CD22: variants seen among roughly 807,000 people sequenced by gnomAD.
The protein encoded by CD22 is CD22 molecule.
In CD22, 51 loss-of-function variants were observed where a neutral mutation model predicts 94.7. The ratio of observed to expected loss-of-function variants is 0.54; its 90% CI spans 0.43 to 0.68. The LOEUF is 0.68. Among genes scored for constraint, CD22 ranks in the 30% least tolerant of loss-of-function variants. CD22 has a pLI of 0.00. For synonymous variants in CD22, 424 were observed against 422.5 expected (o/e 1.00, Z -0.04); for missense variants, 931 against 1,060.4 (o/e 0.88, Z 1.69).
chr19:35,346,244 G>A lies in CD22; in HGVS notation c.2412+9G>A, dbSNP rs893987732. 1 of 1,600,082 alleles carries A rather than the reference G, an allele frequency of 6.2e-7. No homozygotes were observed. Among genetic ancestry groups the A allele is most frequent in the African/African-American group, 1.3e-5 (1 of 74,798 alleles). ...TGCACAAGCGCCAAGTGGTAAGGAG[G>A]GTCTCCCCAGGTCTCCCCAGAGGGG... On this transcript the variant is annotated intron_variant, in intron 13 of 13. Coordinates refer to ENST00000085219, the MANE Select transcript of CD22 (RefSeq NM_001771.4).
At position 35,336,125 on chromosome 19, in the gene CD22, T is replaced by C. The variant is rs755108910; in HGVS notation, c.502T>C (p.Tyr168His). The C allele has an allele frequency of 9.3e-6, 15 of 1,614,000 alleles. No individual in the cohort carries two copies. Among genetic ancestry groups the C allele is most frequent in the Non-Finnish European group, 1.3e-5 (15 of 1,180,008 alleles). Residue 168 changes from tyrosine to histidine, a missense_variant, in exon 4 of 14, where the codon TAT (tyrosine) becomes CAT (histidine). By Grantham distance (83) the Tyr-to-His change is moderately conservative. Transcript: ENST00000085219. ...GACCTGCTTGCTGAATTTCTCCTGC[T>C]ATGGGTATCCGATCCAATTGCAGTG... ...TLTCLLNFSC[Y>H]GYPIQLQWLL...
chr19:35,341,419 A>C lies in CD22; in HGVS notation c.1584A>C (p.Gln528His). 3 of 1,613,884 alleles carry C rather than the reference A, an allele frequency of 1.9e-6. No individual in the cohort carries two copies. The highest frequency in any genetic ancestry group is 2.5e-6 in the Non-Finnish European group (3 of 1,179,980). Residue 528 changes from glutamine to histidine, a missense_variant, in exon 8 of 14, where the codon CAA (glutamine) becomes CAC (histidine). By Grantham distance (24) the Gln-to-His change is conservative (BLOSUM62 0). Transcript: ENST00000085219. The surrounding 1 kb of genome is among the most constrained non-coding windows in gnomAD (Gnocchi z 4.0). ...ACTCTGGAAACTCGGTCAGCCTCCA[A>C]TGTGACTTCTCAAGCAGCCACCCCA... ...EIHSGNSVSL[Q>H]CDFSSSHPKE...
rs745645352 is a variant in CD22, at chr19:35,341,366, C to T, written c.1531C>T (p.Arg511Trp). Reference protein sequence around the residue: ...VQYAPRDVRVRKIKPLSEIHS... With the variant: ...VQYAPRDVRVWKIKPLSEIHS... ...AGATGCCCCCCGAGACGTGAGGGTC[C>T]GGAAAATCAAGCCCCTTTCCGAGAT... is the stretch of plus-strand genomic sequence containing the variant. The change falls in exon 8 of 14, where the codon CGG becomes TGG. Residue 511 changes from arginine (R) to tryptophan (W), a missense_variant. By Grantham distance (101) the Arg-to-Trp change is moderately radical (BLOSUM62 -3). Transcript: ENST00000085219. This position sits in a 1 kb window ranked among gnomAD's most constrained non-coding sequence, Gnocchi z 4.0. 33 of 1,613,600 alleles carry T rather than the reference C, an allele frequency of 2.0e-5. No homozygotes were observed. The highest frequency in any genetic ancestry group is 1.6e-4 in the Middle Eastern group (1 of 6,084).
Position 35,336,265 on chromosome 19 carries a change from G to C in CD22, c.642G>C (p.Gly214=). The change falls in exon 4 of 14, where the codon GGG becomes GGC. Residue 214 remains glycine (G), a synonymous_variant. Coordinates refer to ENST00000085219, the MANE Select transcript of CD22 (RefSeq NM_001771.4). ...LKFSPQWSHH[G]KIVTCQLQDA... ...TCTCCCCACAGTGGAGTCACCATGG[G>C]AAGATTGTGACCTGCCAGCTTCAGG... 1 of 1,614,206 alleles carries C rather than the reference G, an allele frequency of 6.2e-7. No homozygotes were observed. Among genetic ancestry groups the C allele is most frequent in the Non-Finnish European group, 8.5e-7 (1 of 1,180,014 alleles).
In CD22 at chr19:35,341,906, G is replaced by A. The variant is rs906448134; in HGVS notation, c.1976G>A (p.Cys659Tyr). ...GTCCAGCACTCGGGTGCCTACTGGT[G>A]CCAGGGGACCAACAGTGTGGGCAAG... ...VKVQHSGAYWCQGTNSVGKGR... is the reference protein window; with the variant it reads ...VKVQHSGAYWYQGTNSVGKGR... Residue 659 changes from cysteine to tyrosine, a missense_variant, in exon 9 of 14, where the codon TGC becomes TAC. Coordinates refer to ENST00000085219, the MANE Select transcript of CD22 (RefSeq NM_001771.4). This position sits in a 1 kb window ranked among gnomAD's most constrained non-coding sequence, Gnocchi z 4.0. The A allele has an allele frequency of 1.2e-6, 2 of 1,613,884 alleles. No individual in the cohort carries two copies. The highest frequency in any genetic ancestry group is 3.3e-5 in the Admixed American group (2 of 59,982).
Position 35,341,604 on chromosome 19 carries a change from T to A in CD22, c.1769T>A (p.Leu590Gln). ...TCCAAGGCCTGGACACTTGAAGTGC[T>A]GTGTGAGTGAGGGCCGGAGGCTGGG... ...TASKAWTLEV[L>Q]YAPRRLRVSM... The change falls in exon 8 of 14, where the codon CTG becomes CAG. Residue 590 changes from leucine to glutamine, a missense_variant and splice_region_variant. Transcript: ENST00000085219. The surrounding 1 kb of genome is among the most constrained non-coding windows in gnomAD (Gnocchi z 4.0). The A allele has an allele frequency of 6.2e-7, 1 of 1,609,610 alleles. No homozygotes were observed. Among genetic ancestry groups the A allele is most frequent in the Non-Finnish European group, 8.5e-7 (1 of 1,176,396 alleles).
intron 5 of CD22, 41 bp downstream of exon 5, chr19:35,338,062 A>C (rs1331588041): frequency 6.3e-7 from 1 of 1,584,002 alleles, no homozygotes; most frequent in African/African-American, 1.3e-5. Flanking sequence ...GCAGGGAGGT[A>C]GCAGGGGTGG....
At position 35,340,949 on chromosome 19, in the gene CD22, C is replaced by T; in HGVS notation, c.1318C>T (p.Leu440Phe). Residue 440 changes from leucine (L) to phenylalanine (F), a missense_variant, in exon 7 of 14, where the codon CTT (leucine) becomes TTT (phenylalanine). By Grantham distance (22) the Leu-to-Phe change is conservative. Transcript: ENST00000085219. Reference protein sequence around the residue: ...MPIREGDTVTLSCNYNSSNPS... With the variant: ...MPIREGDTVTFSCNYNSSNPS... Reference sequence around the variant, plus strand: ...GATTCGAGAAGGAGACACAGTGACCCTTTCCTGTAACTACAATTCCAGTAA... The same window carrying T: ...GATTCGAGAAGGAGACACAGTGACCTTTTCCTGTAACTACAATTCCAGTAA... The T allele has an allele frequency of 1.2e-6, 2 of 1,614,192 alleles. No individual in the cohort carries two copies. Among genetic ancestry groups the T allele is most frequent in the Non-Finnish European group, 1.7e-6 (2 of 1,180,016 alleles).
At chr19:35,346,428 C>T in intron 13 of CD22, 138 bp from the exon 14 acceptor site, 3 of 1,268,754 alleles carry the variant, frequency 2.4e-6, no homozygotes, top group Non-Finnish European at 3.3e-6. Context: ...GGATGCCGGC[C>T]ACAGCCAGTT....
At chr19:35,340,500 G>T (rs1263443812) in intron 6 of CD22, among the ~76,000 whole-genome samples, 2 of 152,110 alleles carry the variant, frequency 1.3e-5, no homozygotes, top group Non-Finnish European at 2.9e-5. Context: ...GCCAGGTCTC[G>T]AACTCCTGAC....
rs1404271334 is a variant in CD22, at chr19:35,338,163, T to C, written c.986-5T>C. 3 of 1,605,590 alleles carry C rather than the reference T, an allele frequency of 1.9e-6. No homozygotes were observed. The highest frequency in any genetic ancestry group is 8.5e-7 in the Non-Finnish European group (1 of 1,174,666). On this transcript the variant is annotated splice_polypyrimidine_tract_variant and splice_region_variant and intron_variant, in intron 5 of 13. Transcript: ENST00000085219. Reference sequence around the variant, plus strand: ...CCCTCCACTCGCCTCTGCCCCCTCTTCCAGATGCCCCGGAACCTTCCACGG... The same window carrying C: ...CCCTCCACTCGCCTCTGCCCCCTCTCCCAGATGCCCCGGAACCTTCCACGG...
At chr19:35,332,997 G>T in intron 3 of CD22, 73 bp downstream of exon 3, 1 of 1,505,046 alleles carries the variant, frequency 6.6e-7, no homozygotes. Flanking sequence ...CTGACTCCTG[G>T]CACAGAGCTC....
intron 2 of CD22, 195 bp from the exon 3 acceptor site, chr19:35,332,352 C>G: frequency 8.9e-6 from 6 of 675,568 alleles, no homozygotes; most frequent in Non-Finnish European, 1.4e-5. Context: ...TGGCTCATGC[C>G]TGAAATCTCA....
In CD22 at chr19:35,329,805, C is replaced by A. The variant is rs568289689; in HGVS notation, c.-23+575C>A. On this transcript the variant is annotated intron_variant, in intron 1 of 13. Transcript: ENST00000085219. ...GGAGGCAAGTGTTGGCTGCAGGGAA[C>A]GGAGTCTAGTCCTTGCCACAGCCCT... The A allele has an allele frequency of 2.9e-4, 46 of 156,054 alleles. No individual in the cohort carries two copies. The South Asian group carries it at 8.9e-3, about 30-fold the overall frequency. The allele number at this position is 156,054 out of a possible 1,614,324, so 9.7% of individuals were successfully genotyped here. A position where few individuals can be genotyped will look rare whatever the true frequency, so the allele number is the denominator to read the frequency against.
chr19:35,331,996 A>G, intron 1 of CD22, 23 bp from the exon 2 acceptor site: 1 of 1,613,586 alleles, frequency 6.2e-7, no homozygotes, highest in African/African-American at 1.3e-5. Flanking sequence ...AGATGGCTCA[A>G]AGACAAACTC....
chr19:35,344,861 G>A lies in CD22; in HGVS notation c.2068G>A (p.Val690Met), dbSNP rs777600902. Residue 690 changes from valine (V) to methionine (M), a missense_variant, in exon 10 of 14, where the codon GTG becomes ATG. By Grantham distance (21) the Val-to-Met change is conservative (BLOSUM62 1). Transcript: ENST00000085219. ...GGAGACCATCGGCAGGCGAGTGGCT[G>A]TGGGACTCGGGTCCTGCCTCGCCAT... is the stretch of plus-strand genomic sequence containing the variant. Reference protein sequence around the residue: ...SPETIGRRVAVGLGSCLAILI... With the variant: ...SPETIGRRVAMGLGSCLAILI... The A allele has an allele frequency of 1.2e-6, 2 of 1,613,932 alleles. No homozygotes were observed. The highest frequency in any genetic ancestry group is 2.2e-5 in the East Asian group (1 of 44,868).
In CD22 at chr19:35,345,427, A is replaced by C. The variant is rs1178399095; in HGVS notation, c.2209-175A>C. 3,320 of 481,942 alleles carry C rather than the reference A, an allele frequency of 6.9e-3. 1 individual carries two copies. The highest frequency in any genetic ancestry group is 0.011 in the East Asian group (309 of 27,652). The allele number at this position is 481,942 out of a possible 1,614,324, so 29.9% of individuals were successfully genotyped here. The stretch of plus-strand genomic sequence containing the variant: ...CATACTGAGACTCTGCCTCAAAAAA[A>C]AAAAAAAAAAAAAAAAAAGGGTAGG... On this transcript the variant is annotated intron_variant, in intron 11 of 13. Transcript: ENST00000085219.
intron 9 of CD22, 150 bp from the exon 10 acceptor site, chr19:35,344,679 G>A (rs3746250): frequency 0.73 from 478,701 of 655,470 alleles, 176,773 homozygotes; most frequent in African/African-American, 0.92. Flanking sequence ...AGCAGGGGCC[G>A]TTGTCACCCT....
At position 35,337,810 on chromosome 19, in the gene CD22, G is replaced by T. The variant is rs746886827; in HGVS notation, c.774G>T (p.Gly258=). The T allele has an allele frequency of 1.2e-6, 2 of 1,612,736 alleles. No homozygotes were observed. Among genetic ancestry groups the T allele is most frequent in the Admixed American group, 1.7e-5 (1 of 59,976 alleles). Residue 258 remains glycine (G), a synonymous_variant, in exon 5 of 14, where the codon GGG becomes GGT. Coordinates refer to ENST00000085219, the MANE Select transcript of CD22 (RefSeq NM_001771.4). The surrounding 1 kb of genome is among the most constrained non-coding windows in gnomAD (Gnocchi z 4.4). ...CCAGTGATGCCATAGTGAGGGAGGG[G>T]GACTCTGTGACCATGACCTGCGAGG... ...VTPSDAIVRE[G]DSVTMTCEVS...
Sources: gnomAD v4.1 joint callset for allele counts (sites outside exome capture counted in the v4.1 genomes callset) on GRCh38, gnomAD v4.1.1 for gene constraint, Gnocchi (gnomAD v3.1) non-coding constraint, MANE v1.5 for transcripts, NCBI Gene and HGNC (gene_info 2026-07-23, HGNC 2026-07-21) for gene names.